CMSS1: variants seen among roughly 807,000 people sequenced by gnomAD.
The protein encoded by CMSS1 is protein CMSS1.
CMSS1 carries 33 observed loss-of-function variants against 43.5 expected under a neutral mutation model. The observed-to-expected ratio is 0.76, with a 90% CI of 0.57 to 1.01. The LOEUF is 1.01. CMSS1 is among the 50% of genes least tolerant of loss of function. CMSS1 has a pLI of 0.00. For missense variants in CMSS1, 313 were observed against 326.4 expected (o/e 0.96, Z 0.32); for synonymous variants, 115 against 117.2 (o/e 0.98, Z 0.12).
intron 1 of CMSS1, among the ~76,000 whole-genome samples, chr3:99,946,706 C>A (rs981890781): frequency 6.6e-6 from 1 of 152,140 alleles, no homozygotes; most frequent in Non-Finnish European, 1.5e-5. Context: ...TGTAGTTTAA[C>A]GTGGTGGTGG....
At chr3:100,087,731 A>G (rs746370696) in intron 1 of CMSS1, among the ~76,000 whole-genome samples, 2 of 151,954 alleles carry the variant, frequency 1.3e-5, no homozygotes, top group Non-Finnish European at 2.9e-5. Flanking sequence ...TTTGAAGAAG[A>G]CCAATTGATC....
chr3:99,844,875 G>A (rs1240917879), intron 1 of CMSS1, among the ~76,000 whole-genome samples: 2 of 152,186 alleles, frequency 1.3e-5, no homozygotes, highest in Non-Finnish European at 2.9e-5. Flanking sequence ...TGCCAGGTGA[G>A]ATGTGCCTTA....
At chr3:99,882,815 G>A (rs973550572) in intron 1 of CMSS1, among the ~76,000 whole-genome samples, 2 of 152,174 alleles carry the variant, frequency 1.3e-5, no homozygotes, top group Non-Finnish European at 1.5e-5. Flanking sequence ...ACATTAATGA[G>A]CTAGTTGTCT....
chr3:99,953,092 T>C (rs900732753), intron 1 of CMSS1, among the ~76,000 whole-genome samples: 4 of 152,244 alleles, frequency 2.6e-5, no homozygotes, highest in Non-Finnish European at 5.9e-5. Flanking sequence ...TATTTTAAAG[T>C]AATTCATACT....
chr3:99,888,706 T>C (rs1215064714), intron 1 of CMSS1, among the ~76,000 whole-genome samples: 1 of 152,230 alleles, frequency 6.6e-6, no homozygotes, highest in Non-Finnish European at 1.5e-5. Flanking sequence ...CTGCTTTTTG[T>C]AGAGATATGA....
chr3:100,144,114 T>C (rs1365850115), intron 1 of CMSS1, among the ~76,000 whole-genome samples: 2 of 152,212 alleles, frequency 1.3e-5, no homozygotes, highest in Admixed American at 6.5e-5. Flanking sequence ...TTTTTTCTTT[T>C]GTTTGATCAC....
chr3:100,071,359 A>G (rs548734781), intron 1 of CMSS1, among the ~76,000 whole-genome samples: 14 of 152,274 alleles, frequency 9.2e-5, no homozygotes, highest in African/African-American at 3.4e-4. Flanking sequence ...ATGGGGAAGA[A>G]CTGCCTCAGT....
chr3:100,036,094 A>G (rs924239731), intron 1 of CMSS1, among the ~76,000 whole-genome samples: 1 of 152,218 alleles, frequency 6.6e-6, no homozygotes, highest in African/African-American at 2.4e-5. Flanking sequence ...GCATAAACTT[A>G]ATATAAAAGG....
intron 1 of CMSS1, among the ~76,000 whole-genome samples, chr3:100,064,087 C>A (rs1316853861): frequency 6.6e-6 from 1 of 152,136 alleles, no homozygotes; most frequent in Non-Finnish European, 1.5e-5. Context: ...TGTTTTGTTG[C>A]TTCTGGTTTC....
At chr3:99,951,029 T>G in intron 1 of CMSS1, among the ~76,000 whole-genome samples, 1 of 152,214 alleles carries the variant, frequency 6.6e-6, no homozygotes, top group Non-Finnish European at 1.5e-5. Flanking sequence ...TTTCACCTCA[T>G]GCCCCTCCCT....
At chr3:100,096,107 A>G (rs766891926) in intron 1 of CMSS1, among the ~76,000 whole-genome samples, 3 of 152,184 alleles carry the variant, frequency 2.0e-5, no homozygotes, top group Non-Finnish European at 4.4e-5. Flanking sequence ...ACTTTTATCC[A>G]AAACACAGGC....
chr3:99,852,518 T>G (rs963946573), intron 1 of CMSS1, among the ~76,000 whole-genome samples: 3 of 152,148 alleles, frequency 2.0e-5, no homozygotes, highest in Non-Finnish European at 4.4e-5. Flanking sequence ...CGATCTCGAC[T>G]CACTGCAACC....
intron 1 of CMSS1, among the ~76,000 whole-genome samples, chr3:99,975,055 T>C (rs1708929111): frequency 6.6e-6 from 1 of 152,198 alleles, no homozygotes; most frequent in Non-Finnish European, 1.5e-5. Context: ...GAGTGACTGC[T>C]AATGTTCCAG....
intron 1 of CMSS1, among the ~76,000 whole-genome samples, chr3:100,142,423 A>G (rs1333084331): frequency 1.3e-5 from 2 of 152,238 alleles, no homozygotes; most frequent in South Asian, 2.1e-4. Flanking sequence ...TAAGTAATCT[A>G]GAGATAATTT....
chr3:99,834,700 T>C (rs1358409744), intron 1 of CMSS1, among the ~76,000 whole-genome samples: 1 of 152,204 alleles, frequency 6.6e-6, no homozygotes, highest in African/African-American at 2.4e-5. Context: ...TCTCATTTCT[T>C]CATTTGCACC....
intron 1 of CMSS1, among the ~76,000 whole-genome samples, chr3:100,038,919 A>G (rs2065155942): frequency 6.6e-6 from 1 of 152,214 alleles, no homozygotes; most frequent in Non-Finnish European, 1.5e-5. Flanking sequence ...AAAAGAAGAA[A>G]GAATGAACGT....
intron 1 of CMSS1, among the ~76,000 whole-genome samples, chr3:100,014,719 G>A (rs1277815458): frequency 1.3e-5 from 2 of 148,410 alleles, no homozygotes; most frequent in African/African-American, 4.9e-5. Flanking sequence ...TTCCCTATAT[G>A]TTTTGGATAT....
At chr3:99,965,932 G>A (rs547740084) in intron 1 of CMSS1, among the ~76,000 whole-genome samples, 6 of 152,074 alleles carry the variant, frequency 3.9e-5, no homozygotes, top group East Asian at 1.9e-4. Context: ...CTCCTGTCCC[G>A]CCTGCCACCA....
intron 1 of CMSS1, among the ~76,000 whole-genome samples, chr3:99,836,072 G>C (rs1942884797): frequency 6.6e-6 from 1 of 152,194 alleles, no homozygotes; most frequent in Non-Finnish European, 1.5e-5. Flanking sequence ...TGGGCACTAA[G>C]CAATTTTAAG....
Sources: allele counts gnomAD v4.1 joint callset (sites outside exome capture counted in the v4.1 genomes callset), GRCh38; gene constraint gnomAD v4.1.1; transcripts MANE v1.5; gene names NCBI Gene and HGNC (gene_info 2026-07-23, HGNC 2026-07-21).